Variants in DYM observed in about 807,000 individuals in gnomAD.
DYM encodes the protein dymeclin, also known as dyggve-Melchior-Clausen syndrome protein.
A neutral mutation model predicts 93.1 loss-of-function variants in DYM; 78 were observed. The observed-to-expected ratio is 0.84, with a 90% CI of 0.70 to 1.01. The LOEUF (loss-of-function observed/expected upper bound fraction) is 1.01, where lower values mean the gene tolerates loss of function less well. Ranked by LOEUF, DYM falls within the 50% of genes least tolerant of loss-of-function variation. The probability of loss-of-function intolerance (pLI) is 0.00; values close to 1 mark genes in which losing one functional copy is unlikely to be tolerated. For synonymous variants in DYM, 321 were observed against 319.7 expected (o/e 1.00, Z -0.04); for missense variants, 789 against 845.0 (o/e 0.93, Z 0.82).
chr18:49,128,287 G>A (rs2083027772), intron 15 of DYM, among the ~76,000 whole-genome samples: 1 of 152,218 alleles, frequency 6.6e-6, no homozygotes, highest in African/African-American at 2.4e-5. Context: ...GCCAGCAGAA[G>A]AGACAAGTGC....
At chr18:49,277,987 T>G (rs112840917) in intron 10 of DYM, among the ~76,000 whole-genome samples, 1,633 of 152,254 alleles carry the variant, frequency 0.011, 28 homozygotes, top group African/African-American at 0.038. Flanking sequence ...GAGGAAGTTG[T>G]AGGAACAGAT....
chr18:49,106,411 G>A (rs941074344), intron 16 of DYM, among the ~76,000 whole-genome samples: 2 of 152,114 alleles, frequency 1.3e-5, no homozygotes, highest in African/African-American at 2.4e-5. Flanking sequence ...TTACATTTAA[G>A]GTTAATATTG....
At chr18:49,176,768 A>G (rs1035789230) in intron 14 of DYM, among the ~76,000 whole-genome samples, 6 of 152,028 alleles carry the variant, frequency 3.9e-5, no homozygotes, top group Non-Finnish European at 8.8e-5. Context: ...AAAAATTACA[A>G]AATTAAAAAT....
At chr18:49,371,447 T>C (rs2067035879) in intron 5 of DYM, among the ~76,000 whole-genome samples, 2 of 152,200 alleles carry the variant, frequency 1.3e-5, no homozygotes, top group Admixed American at 1.3e-4. Flanking sequence ...CACTCTAGCC[T>C]GAGTGACAGA....
At chr18:49,392,970 G>A (rs1238580334) in intron 2 of DYM, among the ~76,000 whole-genome samples, 2 of 144,104 alleles carry the variant, frequency 1.4e-5, no homozygotes, top group Non-Finnish European at 3.0e-5. Context: ...ACTCCAACCT[G>A]GGAGACAGAG....
Position 49,153,638 on chromosome 18 carries a change from A to G in DYM, c.1728+10047T>C, listed in dbSNP as rs1332579335. 2.0e-5 allele frequency among the ~76,000 whole-genome samples: 3 copies of G among 152,350 alleles called. No homozygotes were observed. The East Asian group carries it at 5.8e-4, about 29-fold the overall frequency. On this transcript the variant is annotated intron_variant, in intron 15 of 17. Transcript: ENST00000675505. ...GAATAATAACAGTATTGGTTATAAC[A>G]CACAGAATAAAACAAGGATCCATGT...
chr18:49,375,684 T>C (rs1007355885), intron 5 of DYM: 2 of 152,184 alleles, frequency 1.3e-5, no homozygotes, highest in Non-Finnish European at 2.9e-5. Context: ...AGTGTCAACT[T>C]GATCGGATTG....
intron 2 of DYM, among the ~76,000 whole-genome samples, chr18:49,414,683 C>G (rs1270357164): frequency 1.3e-5 from 2 of 152,184 alleles, no homozygotes; most frequent in African/African-American, 4.8e-5. Flanking sequence ...ATGGCTCACT[C>G]CCTGGCATCA....
intron 16 of DYM, among the ~76,000 whole-genome samples, chr18:49,118,528 G>T (rs537260827): frequency 6.6e-6 from 1 of 152,162 alleles, no homozygotes; most frequent in Non-Finnish European, 1.5e-5. Context: ...ATAAAAAACT[G>T]TATGAAGTAT....
intron 15 of DYM, among the ~76,000 whole-genome samples, chr18:49,141,972 G>A (rs2084548805): frequency 6.6e-6 from 1 of 151,624 alleles, no homozygotes; most frequent in African/African-American, 2.4e-5. Context: ...TCCTGCCTCA[G>A]CCTCCTGAGT....
At chr18:49,399,161 C>G (rs1449888458) in intron 2 of DYM, among the ~76,000 whole-genome samples, 1 of 152,162 alleles carries the variant, frequency 6.6e-6, no homozygotes, top group Admixed American at 6.5e-5. Flanking sequence ...CAGTTCAGTA[C>G]AGGGGAAGTA....
chr18:49,215,715 A>G (rs190651532), intron 13 of DYM, among the ~76,000 whole-genome samples: 35 of 152,358 alleles, frequency 2.3e-4, no homozygotes, highest in Admixed American at 1.2e-3. Flanking sequence ...ACTGAAAACT[A>G]AAACAAATTT....
intron 8 of DYM, among the ~76,000 whole-genome samples, chr18:49,309,320 T>TTTTG (rs914168159): frequency 2.0e-5 from 3 of 152,152 alleles, no homozygotes; most frequent in Non-Finnish European, 4.4e-5. Context: ...TTGAAAGGTT[T>TTTTG]TTTGTTTGTT....
intron 13 of DYM, among the ~76,000 whole-genome samples, chr18:49,240,276 G>T (rs1277217843): frequency 2.0e-5 from 3 of 151,692 alleles, no homozygotes; most frequent in Non-Finnish European, 2.9e-5. Flanking sequence ...CTTTTCTCAG[G>T]GCCCCTTTCA....
intron 10 of DYM, among the ~76,000 whole-genome samples, chr18:49,272,682 T>C (rs527604853): frequency 3.3e-5 from 5 of 152,178 alleles, no homozygotes; most frequent in Non-Finnish European, 7.4e-5. Context: ...TTAATTTATG[T>C]GCTTAGCACC....
At chr18:49,335,236 T>C (rs1382256058) in intron 6 of DYM, among the ~76,000 whole-genome samples, 1 of 152,242 alleles carries the variant, frequency 6.6e-6, no homozygotes, top group Non-Finnish European at 1.5e-5. Context: ...CTCAGAAATC[T>C]GACTTTTAAA....
rs573634156 is a variant in DYM at position 49,401,793 on chromosome 18, AAGCGGGTGG to A, written c.141-10157_141-10149del. 1.1e-4 allele frequency among the ~76,000 whole-genome samples: 17 copies of A among 152,298 alleles called. No homozygotes were observed. The South Asian group carries it at 3.5e-3, about 32-fold the overall frequency. On this transcript the variant is annotated intron_variant, in intron 2 of 17. Transcript: ENST00000675505. The stretch of plus-strand genomic sequence containing the variant: ...GTAATACCAGCACTCTGGGAGGCTG[AAGCGGGTGG>A]ATCACCTGAAATCAGGAGTTCAAGA...
intron 16 of DYM, chr18:49,115,881 A>G (rs2081882055): frequency 2.0e-5 from 3 of 152,248 alleles, no homozygotes; most frequent in Admixed American, 6.5e-5. Context: ...TAGGAAAAGC[A>G]GCATGCCAAC....
chr18:49,336,131 T>C (rs2063654098), intron 6 of DYM, among the ~76,000 whole-genome samples: 2 of 152,182 alleles, frequency 1.3e-5, no homozygotes, highest in South Asian at 2.1e-4. Context: ...TATTTTGTCA[T>C]TGCATCAATA....
Sources: gnomAD v4.1 joint callset for allele counts (sites outside exome capture counted in the v4.1 genomes callset) on GRCh38, gnomAD v4.1.1 for gene constraint, MANE v1.5 for transcripts, NCBI Gene and HGNC (gene_info 2026-07-23, HGNC 2026-07-21) for gene names.